The following PTPRT variants were observed in gnomAD, a reference collection of about 807,000 sequenced individuals.
PTPRT encodes protein tyrosine phosphatase receptor type T.
A neutral mutation model predicts 176.8 loss-of-function variants in PTPRT; 56 were observed. That is an observed-to-expected ratio of 0.32 (90% CI 0.26 to 0.40). The LOEUF (loss-of-function observed/expected upper bound fraction) is 0.40. Ranked by LOEUF, PTPRT falls within the 10% of genes least tolerant of loss-of-function variation. PTPRT has a pLI of 1.00. For missense variants in PTPRT, 1,540 were observed against 1,908.2 expected (o/e 0.81, Z 3.60); for synonymous variants, 783 against 739.0 (o/e 1.06, Z -0.96).
At chr20:42,768,435 TAC>T (rs1407523676) in intron 5 of PTPRT, among the ~76,000 whole-genome samples, 2 of 152,236 alleles carry the variant, frequency 1.3e-5, no homozygotes, top group African/African-American at 4.8e-5. Flanking sequence ...CATTGCATCA[TAC>T]AGTGTTTTCT....
intron 1 of PTPRT, among the ~76,000 whole-genome samples, chr20:43,038,222 C>T (rs1394152587): frequency 6.6e-6 from 1 of 150,902 alleles, no homozygotes; most frequent in Admixed American, 6.6e-5. Flanking sequence ...ATACGAATTA[C>T]AAACACATTT....
intron 1 of PTPRT, among the ~76,000 whole-genome samples, chr20:42,933,555 C>T (rs1471427303): frequency 6.6e-6 from 1 of 152,156 alleles, no homozygotes; most frequent in Non-Finnish European, 1.5e-5. Context: ...ACTAAACTCA[C>T]CTCCCCCAAA....
chr20:42,845,266 T>C (rs1379913991), intron 2 of PTPRT, among the ~76,000 whole-genome samples: 2 of 137,850 alleles, frequency 1.5e-5, no homozygotes, highest in East Asian at 4.3e-4. Context: ...GCTAAAGGGC[T>C]GTCTTGTGTG....
chr20:43,132,493 T>C (rs2013675198), intron 1 of PTPRT, among the ~76,000 whole-genome samples: 1 of 152,248 alleles, frequency 6.6e-6, no homozygotes. Flanking sequence ...TCTTGGATAC[T>C]CTGTAATATC....
chr20:42,480,940 C>T (rs1436314615), intron 7 of PTPRT, among the ~76,000 whole-genome samples: 3 of 151,986 alleles, frequency 2.0e-5, no homozygotes, highest in African/African-American at 7.3e-5. Flanking sequence ...TCATAAAGTC[C>T]CAGCAATAGA....
chr20:43,005,910 C>T (rs542774229), intron 1 of PTPRT, among the ~76,000 whole-genome samples: 7 of 152,126 alleles, frequency 4.6e-5, no homozygotes, highest in African/African-American at 1.7e-4. Flanking sequence ...AAAAACCAGA[C>T]ACAACCTACA....
intron 16 of PTPRT, among the ~76,000 whole-genome samples, chr20:42,191,686 C>T (rs1275652524): frequency 6.6e-6 from 1 of 152,150 alleles, no homozygotes; most frequent in African/African-American, 2.4e-5. Context: ...GCACTGATTC[C>T]ATTACCCTGT....
At position 42,104,154 on chromosome 20, in the gene PTPRT, G is replaced by A. The variant is rs185649199; in HGVS notation, c.3540+415C>T. Among the ~76,000 whole-genome samples, 198 of 152,274 alleles carry A rather than the reference G, an allele frequency of 1.3e-3. 4 individuals are homozygous for A. In the South Asian group the frequency reaches 0.038, roughly 29 times the overall value. ...TCATGAGCATAGAACCCTCATGAACGGGATTAGTGCTCTTATAAGAAGAAA... is the reference window on the plus strand; with the variant it reads ...TCATGAGCATAGAACCCTCATGAACAGGATTAGTGCTCTTATAAGAAGAAA... On this transcript the variant is annotated intron_variant, in intron 25 of 30. Transcript: ENST00000373187.
At chr20:42,134,125 C>T (rs1287726017) in intron 18 of PTPRT, among the ~76,000 whole-genome samples, 1 of 152,116 alleles carries the variant, frequency 6.6e-6, no homozygotes. Context: ...TTGGGAGATG[C>T]TAATATTATT....
rs374797029 is a variant in PTPRT, at chr20:42,661,058, C to T, written c.1153+16808G>A. ...TAGAGATCGGGTTTCACCATATTGG[C>T]CAGCCTGGTCTAGAACTCCTGACCT... On this transcript the variant is annotated intron_variant, in intron 7 of 30. Transcript: ENST00000373187. 4.1e-4 allele frequency among the ~76,000 whole-genome samples: 63 copies of T among 152,154 alleles called. 1 individual carries two copies. The South Asian group carries it at 0.012, about 29-fold the overall frequency.
chr20:42,919,421 C>A (rs555631175), intron 1 of PTPRT, among the ~76,000 whole-genome samples: 6 of 152,188 alleles, frequency 3.9e-5, no homozygotes, highest in Non-Finnish European at 8.8e-5. Flanking sequence ...TGAGACCCAG[C>A]CTCAAAGACA....
At chr20:42,923,160 C>T (rs888530094) in intron 1 of PTPRT, among the ~76,000 whole-genome samples, 1 of 151,852 alleles carries the variant, frequency 6.6e-6, no homozygotes, top group Non-Finnish European at 1.5e-5. Flanking sequence ...TCAGCCCCTG[C>T]ACCTGGAGAA....
chr20:42,054,327 G>C, the PTPRT span, among the ~76,000 whole-genome samples: 8 of 152,190 alleles, frequency 5.3e-5, no homozygotes, highest in African/African-American at 1.2e-4. Flanking sequence ...TTTTGGGTGA[G>C]AGTCCAAACA....
chr20:42,881,694 C>G (rs2079012509), intron 2 of PTPRT, among the ~76,000 whole-genome samples: 1 of 135,362 alleles, frequency 7.4e-6, no homozygotes, highest in Non-Finnish European at 1.5e-5. Flanking sequence ...CACAGCACTC[C>G]AGCCTGGGCA....
At position 42,720,052 on chromosome 20, in the gene PTPRT, C is replaced by T. The variant is rs546865251; in HGVS notation, c.859+36410G>A. Among the ~76,000 whole-genome samples, 6 of 152,292 alleles carry T rather than the reference C, an allele frequency of 3.9e-5. No individual in the cohort carries two copies. The East Asian group carries it at 7.7e-4, about 20-fold the overall frequency. The stretch of plus-strand genomic sequence containing the variant: ...GTAAGAAATAACAAGTTTCATTTAA[C>T]TCACTTACTCATCATTTAGCCACTC... On this transcript the variant is annotated intron_variant, in intron 6 of 30. Coordinates refer to ENST00000373187, the MANE Select transcript of PTPRT (RefSeq NM_007050.6).
chr20:43,147,376 C>CTCAATAAA (rs2014200339), intron 1 of PTPRT, among the ~76,000 whole-genome samples: 2 of 152,162 alleles, frequency 1.3e-5, no homozygotes, highest in Non-Finnish European at 2.9e-5. Flanking sequence ...ACAGTAGAAA[C>CTCAATAAA]TCAATAAACG....
intron 1 of PTPRT, among the ~76,000 whole-genome samples, chr20:42,917,762 T>C (rs1370928731): frequency 6.6e-6 from 1 of 152,104 alleles, no homozygotes; most frequent in East Asian, 1.9e-4. Context: ...ACAAAGTGCC[T>C]CCAGAAGTCA....
intron 1 of PTPRT, among the ~76,000 whole-genome samples, chr20:42,947,265 T>C (rs527730141): frequency 2.0e-5 from 3 of 152,134 alleles, no homozygotes; most frequent in Non-Finnish European, 2.9e-5. Context: ...GAAAGTTGGA[T>C]TATTTTGTTT....
chr20:42,383,428 A>C (rs1193416594), intron 9 of PTPRT, among the ~76,000 whole-genome samples: 1 of 152,138 alleles, frequency 6.6e-6, no homozygotes, highest in Non-Finnish European at 1.5e-5. Flanking sequence ...ACAAAAAAAA[A>C]AAACAACTAT....
Sources: allele counts gnomAD v4.1 joint callset (sites outside exome capture counted in the v4.1 genomes callset), GRCh38; gene constraint gnomAD v4.1.1; transcripts MANE v1.5; gene names NCBI Gene and HGNC (gene_info 2026-07-23, HGNC 2026-07-21).